Variants in DEUP1 observed in about 807,000 individuals in gnomAD.
DEUP1 encodes coiled-coil domain containing 67.
In DEUP1, 82 loss-of-function variants were observed where a neutral mutation model predicts 87.4. The ratio of observed to expected loss-of-function variants is 0.94; its 90% CI spans 0.78 to 1.13. DEUP1 has a LOEUF of 1.13. Ranked by LOEUF, DEUP1 falls within the 50% of genes most tolerant of loss-of-function variation. The probability of loss-of-function intolerance (pLI) is 0.00; values close to 1 mark genes in which losing one functional copy is unlikely to be tolerated. For synonymous variants in DEUP1, 214 were observed against 222.7 expected (o/e 0.96, Z 0.35); for missense variants, 663 against 681.5 (o/e 0.97, Z 0.30).
rs530590038 is a variant in DEUP1 at position 93,332,837 on chromosome 11, C to T, written c.29+549C>T. On this transcript the variant is annotated intron_variant, in intron 2 of 13. Coordinates refer to ENST00000298050, the MANE Select transcript of DEUP1 (RefSeq NM_181645.4). ...ACAAATATCTGTCCTAACTCTTTAC[C>T]TGCTACCTGCATCACAGAGTTTTCT... 3.3e-5 allele frequency among the ~76,000 whole-genome samples: 5 copies of T among 152,292 alleles called. 1 individual carries two copies. In the South Asian group the frequency reaches 1.0e-3, roughly 32 times the overall value.
At chr11:93,372,649 C>T (rs1945798827) in intron 7 of DEUP1, among the ~76,000 whole-genome samples, 1 of 152,184 alleles carries the variant, frequency 6.6e-6, no homozygotes, top group Non-Finnish European at 1.5e-5. Context: ...CCAGTCTCTC[C>T]CATTCAGAGG....
At chr11:93,383,548 T>C in intron 7 of DEUP1, 1 of 655,502 alleles carries the variant, frequency 1.5e-6, no homozygotes, top group South Asian at 1.8e-5. Context: ...GTAGTGGTGA[T>C]GTTCAACTTT....
intron 8 of DEUP1, among the ~76,000 whole-genome samples, chr11:93,388,461 T>C (rs1276700787): frequency 1.3e-5 from 2 of 152,204 alleles, no homozygotes; most frequent in Admixed American, 6.5e-5. Flanking sequence ...TTATACTCTT[T>C]ATACTAGTTT....
chr11:93,357,615 G>C (rs1944960246), intron 4 of DEUP1: 1 of 152,232 alleles, frequency 6.6e-6, no homozygotes, highest in South Asian at 2.1e-4. Context: ...ATAGCACGTA[G>C]GGTAATAATC....
intron 4 of DEUP1, among the ~76,000 whole-genome samples, chr11:93,361,775 T>C (rs961335380): frequency 2.0e-5 from 3 of 152,138 alleles, no homozygotes; most frequent in African/African-American, 7.2e-5. Flanking sequence ...AGCCTTGACA[T>C]ATCAATAATT....
At chr11:93,368,602 C>A (rs569923821) in intron 5 of DEUP1, among the ~76,000 whole-genome samples, 77 of 152,272 alleles carry the variant, frequency 5.1e-4, no homozygotes, top group African/African-American at 1.8e-3. Flanking sequence ...CTCATGAGAA[C>A]TCTATCAAGA....
At chr11:93,418,686 A>G (rs1490279788) in intron 13 of DEUP1, among the ~76,000 whole-genome samples, 1 of 152,050 alleles carries the variant, frequency 6.6e-6, no homozygotes, top group African/African-American at 2.4e-5. Context: ...TCCTGGGTAT[A>G]TACCCAAAGG....
chr11:93,385,428 A>G lies in DEUP1; in HGVS notation c.820A>G (p.Ser274Gly), dbSNP rs761471457. Residue 274 changes from serine (S) to glycine (G), a missense_variant, in exon 8 of 14, where the codon AGT (serine) becomes GGT (glycine). Physicochemically the swap from Ser to Gly is moderately conservative, Grantham distance 56 (BLOSUM62 0). Transcript: ENST00000298050. ...AMEAGLSEVK[S>G]ELQSRDDLLR... ...GGAAGCAGGTCTCTCAGAGGTAAAAAGTGAGTTACAGTCACGTGATGATCT... is the reference window on the plus strand; with the variant it reads ...GGAAGCAGGTCTCTCAGAGGTAAAAGGTGAGTTACAGTCACGTGATGATCT... 79 of 1,612,790 alleles carry G rather than the reference A, an allele frequency of 4.9e-5. No individual in the cohort carries two copies. The highest frequency in any genetic ancestry group is 6.6e-5 in the Non-Finnish European group (78 of 1,179,514).
Position 93,364,065 on chromosome 11 carries a change from A to C in DEUP1, c.298-95A>C. The C allele has an allele frequency of 9.7e-6, 9 of 930,742 alleles. No homozygotes were observed. In the South Asian group the frequency reaches 1.6e-4, roughly 16 times the overall value. The allele number at this position is 930,742 out of a possible 1,614,324, so 57.7% of individuals were successfully genotyped here. A position where few individuals can be genotyped will look rare whatever the true frequency, so the allele number is the denominator to read the frequency against. ...TTTACTGCACTTTCTAATCATGACA[A>C]ATTTTCAAAGAGGTACACAGGAAAA... On this transcript the variant is annotated intron_variant, in intron 4 of 13. Coordinates refer to ENST00000298050, the MANE Select transcript of DEUP1 (RefSeq NM_181645.4).
At chr11:93,354,165 T>C (rs566462392) in intron 2 of DEUP1, among the ~76,000 whole-genome samples, 37 of 152,116 alleles carry the variant, frequency 2.4e-4, no homozygotes, top group Non-Finnish European at 4.6e-4. Context: ...CCCTAAATCA[T>C]CTCTCTCAAG....
chr11:93,408,132 A>C (rs1947335168), intron 11 of DEUP1, 99 bp from the exon 12 acceptor site: 1 of 864,102 alleles, frequency 1.2e-6, no homozygotes, highest in South Asian at 2.2e-5. Context: ...ACTTGGCTCA[A>C]ATGAAAGGGC....
Position 93,437,547 on chromosome 11 carries a change from C to T in DEUP1, c.1643C>T (p.Pro548Leu). The T allele has an allele frequency of 2.5e-6, 4 of 1,609,710 alleles. No homozygotes were observed. The highest frequency in any genetic ancestry group is 1.1e-5 in the South Asian group (1 of 90,702). The change falls in exon 14 of 14, where the codon CCC (proline) becomes CTC (leucine). Residue 548 changes from proline to leucine, a missense_variant. Physicochemically the swap from Pro to Leu is moderately conservative, Grantham distance 98. Transcript: ENST00000298050. ...TTTCTTTCTTTCTCTCTTTAGTCTC[C>T]CCCAGATATGTCCTTCCCAGCATCT... ...VSDDDVFPLS[P>L]PDMSFPASLA... is the part of the protein sequence containing the mutation.
intron 7 of DEUP1, among the ~76,000 whole-genome samples, chr11:93,382,294 G>A (rs1404679067): frequency 6.6e-6 from 1 of 152,090 alleles, no homozygotes; most frequent in African/African-American, 2.4e-5. Flanking sequence ...TATCAAGAAA[G>A]CCTTCAAATT....
chr11:93,437,469 A>G, intron 13 of DEUP1, 74 bp from the exon 14 acceptor site: 1 of 1,134,756 alleles, frequency 8.8e-7, no homozygotes, highest in Non-Finnish European at 1.3e-6. Context: ...GTCAGGGATG[A>G]AGCATGCCTG....
chr11:93,430,441 T>C (rs1185562810), intron 13 of DEUP1, among the ~76,000 whole-genome samples: 1 of 152,250 alleles, frequency 6.6e-6, no homozygotes, highest in East Asian at 1.9e-4. Flanking sequence ...ATTACTACAA[T>C]GTGGATGAGC....
chr11:93,339,534 A>G (rs1269364005), intron 2 of DEUP1, among the ~76,000 whole-genome samples: 2 of 152,202 alleles, frequency 1.3e-5, no homozygotes, highest in Non-Finnish European at 2.9e-5. Context: ...AGCTAGTCAA[A>G]TTACCCATAG....
chr11:93,416,980 C>T (rs1025439515), intron 13 of DEUP1, among the ~76,000 whole-genome samples: 5 of 152,166 alleles, frequency 3.3e-5, no homozygotes, highest in African/African-American at 1.2e-4. Context: ...AATTCAACAA[C>T]ACTTCATGCT....
chr11:93,358,939 G>C (rs1945029241), intron 4 of DEUP1, among the ~76,000 whole-genome samples: 1 of 152,002 alleles, frequency 6.6e-6, no homozygotes, highest in African/African-American at 2.4e-5. Flanking sequence ...GGGTTTCGTG[G>C]AATACACTGG....
chr11:93,428,737 T>C (rs1355955090), intron 13 of DEUP1, among the ~76,000 whole-genome samples: 9 of 152,172 alleles, frequency 5.9e-5, no homozygotes, highest in Admixed American at 5.9e-4. Flanking sequence ...AAAAAGAAAT[T>C]CATCTCTTTT....
Sources: allele counts gnomAD v4.1 joint callset (sites outside exome capture counted in the v4.1 genomes callset), GRCh38; gene constraint gnomAD v4.1.1; transcripts MANE v1.5; gene names NCBI Gene and HGNC (gene_info 2026-07-23, HGNC 2026-07-21).